The following KANSL1L variants were observed in gnomAD, a reference collection of about 807,000 sequenced individuals.
The protein encoded by KANSL1L is KAT8 regulatory NSL complex subunit 1-like protein.
Under a neutral mutation model 108.6 loss-of-function variants are expected in KANSL1L, and 25 were observed. The ratio of observed to expected loss-of-function variants is 0.23; its 90% CI spans 0.17 to 0.32. KANSL1L has a LOEUF of 0.32. KANSL1L is among the 10% of genes least tolerant of loss of function. The pLI, the probability that KANSL1L is intolerant of heterozygous loss-of-function variation, is 1.00. For synonymous variants in KANSL1L, 405 were observed against 395.1 expected (o/e 1.03, Z -0.30); for missense variants, 1,137 against 1,125.7 (o/e 1.01, Z -0.14).
intron 6 of KANSL1L, among the ~76,000 whole-genome samples, chr2:210,052,001 CTT>C (rs546815241): frequency 1.8e-4 from 24 of 134,352 alleles, no homozygotes; most frequent in Non-Finnish European, 2.9e-4. Context: ...TTCTTCTTTC[CTT>C]TTTTTTTTTT....
chr2:210,162,310 G>GACTT (rs959618872), intron 1 of KANSL1L, among the ~76,000 whole-genome samples: 3 of 147,200 alleles, frequency 2.0e-5, no homozygotes, highest in Non-Finnish European at 4.5e-5. Context: ...GCTTGACAAA[G>GACTT]ACTTAACAGG....
At chr2:210,027,960 G>A (rs1012460897) in intron 11 of KANSL1L, among the ~76,000 whole-genome samples, 5 of 152,174 alleles carry the variant, frequency 3.3e-5, no homozygotes, top group Non-Finnish European at 7.3e-5. Flanking sequence ...AGTAGTAAAA[G>A]AAATGAAATT....
At chr2:210,049,222 A>T (rs1181944455) in intron 6 of KANSL1L, among the ~76,000 whole-genome samples, 3 of 152,218 alleles carry the variant, frequency 2.0e-5, no homozygotes, top group African/African-American at 7.2e-5. Context: ...AATATTCATA[A>T]GAAAGCTTCA....
chr2:210,029,674 G>A, intron 10 of KANSL1L, 129 bp downstream of exon 10: 1 of 465,632 alleles, frequency 2.1e-6, no homozygotes, highest in Non-Finnish European at 3.8e-6. Context: ...TTTCTAACAA[G>A]ATAGTTATAA....
intron 6 of KANSL1L, among the ~76,000 whole-genome samples, chr2:210,054,476 C>T (rs909752991): frequency 6.6e-6 from 1 of 152,046 alleles, no homozygotes; most frequent in African/African-American, 2.4e-5. Context: ...TAATTTGGTT[C>T]AATTCTATTG....
intron 5 of KANSL1L, chr2:210,096,528 G>A (rs1202254145): frequency 1.0e-6 from 1 of 980,186 alleles, no homozygotes; most frequent in Non-Finnish European, 1.2e-6. Flanking sequence ...ACACACACAT[G>A]TAACTATGTG....
At chr2:210,126,615 A>C (rs2095067799) in intron 3 of KANSL1L, among the ~76,000 whole-genome samples, 1 of 152,178 alleles carries the variant, frequency 6.6e-6, no homozygotes, top group Non-Finnish European at 1.5e-5. Context: ...CAGGAGTTCA[A>C]GACTAACCTG....
rs910300465 is a variant in KANSL1L at position 210,043,834 on chromosome 2, G to GA, written c.1921+104dup. On this transcript the variant is annotated intron_variant, in intron 7 of 14. Coordinates refer to ENST00000281772, the MANE Select transcript of KANSL1L (RefSeq NM_152519.4). Reference sequence around the variant, plus strand: ...GCATTGCTTAGTTCTAATATCTACTGAAAAAAAATTGATAAAATAAGATTT... The same window carrying GA: ...GCATTGCTTAGTTCTAATATCTACTGAAAAAAAAATTGATAAAATAAGATTT... The GA allele has an allele frequency of 8.3e-5, 66 of 797,568 alleles. No homozygotes were observed. The East Asian group carries it at 1.0e-3, about 12-fold the overall frequency. 49.4% of individuals were successfully genotyped at this position (797,568 alleles called of 1,614,324 possible). A position where few individuals can be genotyped will look rare whatever the true frequency, so the allele number is the denominator to read the frequency against.
intron 1 of KANSL1L, among the ~76,000 whole-genome samples, chr2:210,164,573 G>C (rs2095377144): frequency 6.6e-6 from 1 of 151,956 alleles, no homozygotes; most frequent in African/African-American, 2.4e-5. Context: ...AGGAACAAGA[G>C]GTCCCTTTTC....
intron 8 of KANSL1L, among the ~76,000 whole-genome samples, chr2:210,036,532 T>C (rs2094105747): frequency 6.6e-6 from 1 of 152,168 alleles, no homozygotes; most frequent in African/African-American, 2.4e-5. Context: ...TAGTTATTTG[T>C]GTCTTCCTCC....
At chr2:210,150,310 A>G (rs1263312280) in intron 2 of KANSL1L, among the ~76,000 whole-genome samples, 1 of 152,176 alleles carries the variant, frequency 6.6e-6, no homozygotes, top group Admixed American at 6.6e-5. Context: ...AGTTGGTGAA[A>G]AATAGGAGGT....
chr2:210,165,418 T>C (rs1315285746), intron 1 of KANSL1L, among the ~76,000 whole-genome samples: 2 of 152,088 alleles, frequency 1.3e-5, no homozygotes, highest in Non-Finnish European at 2.9e-5. Flanking sequence ...CTTATGTTTT[T>C]AAATAATAAA....
intron 8 of KANSL1L, among the ~76,000 whole-genome samples, chr2:210,034,150 AT>A (rs1393008277): frequency 3.9e-5 from 6 of 152,216 alleles, no homozygotes; most frequent in African/African-American, 1.4e-4. Context: ...GGCAAGCATT[AT>A]TCTAAACCCT....
At chr2:210,096,214 A>G (rs2094734684) in intron 5 of KANSL1L, among the ~76,000 whole-genome samples, 1 of 152,132 alleles carries the variant, frequency 6.6e-6, no homozygotes, top group African/African-American at 2.4e-5. Context: ...CCAATTTTCC[A>G]TTTCTTTCAT....
At chr2:210,165,830 C>T (rs112909090) in intron 1 of KANSL1L, among the ~76,000 whole-genome samples, 1 of 152,050 alleles carries the variant, frequency 6.6e-6, no homozygotes, top group African/African-American at 2.4e-5. Context: ...TTCCATGGTT[C>T]GAGTAACCTG....
At chr2:210,040,620 A>AAAT in intron 7 of KANSL1L, 93 bp from the exon 8 acceptor site, 2 of 556,494 alleles carry the variant, frequency 3.6e-6, no homozygotes, top group Non-Finnish European at 6.3e-6. Context: ...TTCTTTCTAT[A>AAAT]AATAGCACAT....
intron 8 of KANSL1L, chr2:210,032,900 A>G (rs1167246058): frequency 6.6e-6 from 1 of 152,234 alleles, no homozygotes; most frequent in Non-Finnish European, 1.5e-5. Flanking sequence ...GCAACTCTTT[A>G]AAACAGTATT....
chr2:210,170,361 A>C, intron 1 of KANSL1L: 1 of 985,384 alleles, frequency 1.0e-6, no homozygotes, highest in Non-Finnish European at 1.2e-6. Flanking sequence ...AAAAACAAAC[A>C]AAAACGGACT....
chr2:210,092,996 G>C (rs1315320988), intron 5 of KANSL1L, among the ~76,000 whole-genome samples: 1 of 152,088 alleles, frequency 6.6e-6, no homozygotes, highest in Admixed American at 6.5e-5. Context: ...CTAGTGGTGG[G>C]GAAAGGGAAA....
Sources: gnomAD v4.1 joint callset for allele counts (sites outside exome capture counted in the v4.1 genomes callset) on GRCh38, gnomAD v4.1.1 for gene constraint, MANE v1.5 for transcripts, NCBI Gene and HGNC (gene_info 2026-07-23, HGNC 2026-07-21) for gene names.